Variants in KIF26B observed in about 807,000 individuals in gnomAD.
The protein encoded by KIF26B is kinesin family member 26B.
KIF26B carries 63 observed loss-of-function variants against 151.2 expected under a neutral mutation model. The observed-to-expected ratio is 0.42, with a 90% CI of 0.34 to 0.51. KIF26B has a LOEUF of 0.51. KIF26B is among the 20% of genes least tolerant of loss of function. KIF26B has a pLI of 0.07. For synonymous variants in KIF26B, 1,357 were observed against 1,262.1 expected, an observed-to-expected ratio of 1.08 and a Z score of -1.59; for missense variants, 2,813 against 2,913.6, an observed-to-expected ratio of 0.97 and a Z score of 0.79.
chr1:245,399,699 G>C (rs1244419351), intron 3 of KIF26B, among the ~76,000 whole-genome samples: 2 of 152,286 alleles, frequency 1.3e-5, no homozygotes, highest in Admixed American at 6.5e-5. Flanking sequence ...TGCATGCAGA[G>C]CTTTGGTTAG....
intron 9 of KIF26B, among the ~76,000 whole-genome samples, chr1:245,616,287 C>T (rs773289238): frequency 1.3e-5 from 2 of 152,332 alleles, no homozygotes; most frequent in Middle Eastern, 3.4e-3. Flanking sequence ...TGGGACTGAT[C>T]CTTCAGCCTC....
In KIF26B at chr1:245,155,469, C is replaced by T. The variant is rs978712912; in HGVS notation, c.45C>T (p.Thr15=). 1.2e-6 allele frequency: 2 copies of T among 1,612,114 alleles called. No individual in the cohort carries two copies. Among genetic ancestry groups the T allele is most frequent in the Non-Finnish European group, 1.7e-6 (2 of 1,179,034 alleles). ...ATAAAGAGAGGCTTGCGGTCTCCAC[C>T]AGGGGCAAGAAATACGGGGTAAGTT... The part of the protein sequence containing the change: ...AGNKERLAVS[T]RGKKYGVNEV... The change falls in exon 1 of 15, where the codon ACC becomes ACT. Residue 15 remains threonine, a synonymous_variant. Transcript: ENST00000407071.
Position 245,611,971 on chromosome 1 carries a change from G to T in KIF26B, c.2093G>T (p.Gly698Val). The T allele has an allele frequency of 6.2e-7, 1 of 1,610,954 alleles. No individual in the cohort carries two copies. Residue 698 changes from glycine to valine, a missense_variant, in exon 9 of 15, where the codon GGG becomes GTG. Physicochemically the swap from Gly to Val is moderately radical, Grantham distance 109 (BLOSUM62 -3). This residue lies in a region of KIF26B where 2,060 missense variants were observed against 2,088.6 expected (regional missense o/e 0.99). Coordinates refer to ENST00000407071, the MANE Select transcript of KIF26B (RefSeq NM_018012.4). The stretch of plus-strand genomic sequence containing the variant: ...TACCGGATGGAGAAGAGCGGGAAAG[G>T]GGGAAGTAAGTCGGCCACTCCACCC... ...YQYRMEKSGK[G>V]GMSGGRSRLH...
intron 2 of KIF26B, among the ~76,000 whole-genome samples, chr1:245,208,941 C>A (rs1345529195): frequency 6.6e-6 from 1 of 152,174 alleles, no homozygotes; most frequent in Admixed American, 6.5e-5. Flanking sequence ...CTGTGTTGGG[C>A]ACTTAGGGAG....
At chr1:245,245,703 CG>C (rs1376852075) in intron 2 of KIF26B, among the ~76,000 whole-genome samples, 1 of 151,954 alleles carries the variant, frequency 6.6e-6, no homozygotes, top group East Asian at 1.9e-4. Context: ...GAGGCCGAGG[CG>C]GGTGGATCAC....
chr1:245,280,530 C>A lies in KIF26B; in HGVS notation c.466-86304C>A, dbSNP rs1370503727. Among the ~76,000 whole-genome samples the A allele has an allele frequency of 3.6e-3, 290 of 79,516 alleles. 1 individual carries two copies. Among genetic ancestry groups the A allele is most frequent in the South Asian group, 7.2e-3 (16 of 2,220 alleles). 52.2% of individuals were successfully genotyped at this position (79,516 alleles called of 152,430 possible). A position where few individuals can be genotyped will look rare whatever the true frequency, so the allele number is the denominator to read the frequency against. On this transcript the variant is annotated intron_variant, in intron 2 of 14. Coordinates refer to ENST00000407071, the MANE Select transcript of KIF26B (RefSeq NM_018012.4). ...TGGGCAACAGAGCGAGACTCTGTCT[C>A]AAAAAAAAAAAGAAAAGAAATTATT... is the stretch of plus-strand genomic sequence containing the variant.
intron 5 of KIF26B, among the ~76,000 whole-genome samples, chr1:245,566,217 C>T (rs534172298): frequency 1.3e-5 from 2 of 152,338 alleles, no homozygotes; most frequent in African/African-American, 4.8e-5. Context: ...TTTGCGTTTC[C>T]CACAGGATGT....
chr1:245,185,265 G>A (rs981980156), intron 2 of KIF26B, among the ~76,000 whole-genome samples: 5 of 151,474 alleles, frequency 3.3e-5, no homozygotes, highest in Admixed American at 6.6e-5. Flanking sequence ...CAGCCTCCCG[G>A]GTAGCTGGGA....
At chr1:245,639,582 T>C (rs1237690187) in intron 9 of KIF26B, among the ~76,000 whole-genome samples, 1 of 152,036 alleles carries the variant, frequency 6.6e-6, no homozygotes, top group East Asian at 1.9e-4. Flanking sequence ...GGAGTCTATA[T>C]TTTTAATGTA....
In KIF26B at chr1:245,577,653, GGCGA is replaced by G. The variant is rs2103127056; in HGVS notation, c.1351-24923_1351-24920del. Among the ~76,000 whole-genome samples the G allele has an allele frequency of 4.7e-5, 7 of 149,016 alleles. No individual in the cohort carries two copies. The South Asian group carries it at 1.3e-3, about 28-fold the overall frequency. On this transcript the variant is annotated intron_variant, in intron 5 of 14. Transcript: ENST00000407071. The stretch of plus-strand genomic sequence containing the variant: ...CACGGAAGAGCTTTGTGGAACTCCA[GGCGA>G]TGCATCTCCTCACCGGAAGAGCTTT...
intron 2 of KIF26B, among the ~76,000 whole-genome samples, chr1:245,187,865 T>G (rs73125089): frequency 0.046 from 7,054 of 152,242 alleles, 567 homozygotes; most frequent in African/African-American, 0.16. Context: ...GGAATTCATG[T>G]TTTTGAGCTC....
chr1:245,665,999 C>CTTTTTTTTTTTT (rs33957488), intron 10 of KIF26B, among the ~76,000 whole-genome samples: 1 of 107,414 alleles, frequency 9.3e-6, no homozygotes, highest in Non-Finnish European at 1.8e-5. Context: ...ACATTATGTC[C>CTTTTTTTTTTTT]TTTTTTTTTT....
At position 245,686,380 on chromosome 1, in the gene KIF26B, C is replaced by A. The variant is rs768369787; in HGVS notation, c.3397C>A (p.Pro1133Thr). The A allele has an allele frequency of 2.5e-6, 4 of 1,613,314 alleles. No individual in the cohort carries two copies. The African/African-American group carries it at 4.0e-5, about 16-fold the overall frequency. ...EVRTPPVGMSPQVLKKSMSAG... is the reference protein window; with the variant it reads ...EVRTPPVGMSTQVLKKSMSAG... Reference sequence around the variant, plus strand: ...GCGTACGCCCCCGGTTGGAATGAGCCCCCAGGTTTTGAAAAAATCCATGTC... The same window carrying A: ...GCGTACGCCCCCGGTTGGAATGAGCACCCAGGTTTTGAAAAAATCCATGTC... The change falls in exon 12 of 15, where the codon CCC (proline) becomes ACC (threonine). Residue 1133 changes from proline to threonine, a missense_variant. Physicochemically the swap from Pro to Thr is conservative, Grantham distance 38. Coordinates refer to ENST00000407071, the MANE Select transcript of KIF26B (RefSeq NM_018012.4). The surrounding 1 kb of genome is among the most constrained non-coding windows in gnomAD (Gnocchi z 5.6).
At position 245,156,551 on chromosome 1, in the gene KIF26B, G is replaced by C; in HGVS notation, c.333G>C (p.Pro111=). 6.5e-7 allele frequency: 1 copy of C among 1,535,470 alleles called. No homozygotes were observed. Among genetic ancestry groups the C allele is most frequent in the Non-Finnish European group, 8.7e-7 (1 of 1,147,206 alleles). ...GGSPGFGTGS[P]GSGSGGGSSP... Reference sequence around the variant, plus strand: ...CTCCGGGCTTCGGCACAGGCTCCCCGGGCTCCGGCAGCGGCGGCGGCTCCT... The same window carrying C: ...CTCCGGGCTTCGGCACAGGCTCCCCCGGCTCCGGCAGCGGCGGCGGCTCCT... Residue 111 remains proline, a synonymous_variant, in exon 2 of 15, where the codon CCG becomes CCC. Transcript: ENST00000407071.
In KIF26B at chr1:245,502,174, C is replaced by T. The variant is rs150333425; in HGVS notation, c.1167-38593C>T. On this transcript the variant is annotated intron_variant, in intron 4 of 14. Coordinates refer to ENST00000407071, the MANE Select transcript of KIF26B (RefSeq NM_018012.4). ...AGATTTAATGGAGACCTGGATCAAA[C>T]ATTACATACTTTGTTACATCTTTTT... Among the ~76,000 whole-genome samples the T allele has an allele frequency of 5.4e-3, 827 of 152,290 alleles. 11 individuals carry two copies. The highest frequency in any genetic ancestry group is 0.019 in the African/African-American group (796 of 41,552).
At chr1:245,380,955 G>GAAAAAAAAAAAA (rs35477111) in intron 3 of KIF26B, among the ~76,000 whole-genome samples, 1 of 77,932 alleles carries the variant, frequency 1.3e-5, no homozygotes, top group African/African-American at 4.0e-5. Context: ...CCAAAAAGAT[G>GAAAAAAAAAAAA]AAAAAAAAAA....
At chr1:245,554,133 A>G (rs1057273712) in intron 5 of KIF26B, among the ~76,000 whole-genome samples, 7 of 151,746 alleles carry the variant, frequency 4.6e-5, no homozygotes, top group Admixed American at 2.0e-4. Flanking sequence ...GTTTTGTATC[A>G]TGTACCATCC....
chr1:245,652,183 A>C (rs527693421), intron 10 of KIF26B, among the ~76,000 whole-genome samples: 74 of 151,592 alleles, frequency 4.9e-4, no homozygotes, highest in Non-Finnish European at 8.8e-4. Flanking sequence ...CTTTAAATGT[A>C]CATTAATGCT....
At chr1:245,640,792 GA>G (rs1293390543) in intron 9 of KIF26B, among the ~76,000 whole-genome samples, 1 of 151,804 alleles carries the variant, frequency 6.6e-6, no homozygotes, top group Admixed American at 6.6e-5. Context: ...GAAACAAAAA[GA>G]AAAAAACACA....
Sources: allele counts gnomAD v4.1 joint callset (sites outside exome capture counted in the v4.1 genomes callset), GRCh38; gene constraint gnomAD v4.1.1; regional missense constraint gnomAD v4.1.1; non-coding constraint Gnocchi (gnomAD v3.1); transcripts MANE v1.5; gene names NCBI Gene and HGNC (gene_info 2026-07-23, HGNC 2026-07-21).